UST: variants seen among roughly 807,000 people sequenced by gnomAD.
UST encodes the protein uronyl 2-sulfotransferase.
UST carries 21 observed loss-of-function variants against 45.6 expected under a neutral mutation model. The observed-to-expected ratio is 0.46, with a 90% CI of 0.33 to 0.66. The LOEUF (loss-of-function observed/expected upper bound fraction) is 0.66, where lower values mean the gene tolerates loss of function less well. UST is among the 30% of genes least tolerant of loss of function. The pLI is 0.02. For synonymous variants in UST, 215 were observed against 200.6 expected, an observed-to-expected ratio of 1.07 and a Z score of -0.61; for missense variants, 463 against 512.4, an observed-to-expected ratio of 0.90 and a Z score of 0.93.
chr6:148,872,768 C>T (rs77687196), intron 1 of UST, among the ~76,000 whole-genome samples: 3,929 of 152,238 alleles, frequency 0.026, 179 homozygotes, highest in African/African-American at 0.088. Context: ...GCTGTCTGCA[C>T]TCCCTGACTC....
At chr6:148,854,853 G>A (rs1327831018) in intron 1 of UST, among the ~76,000 whole-genome samples, 1 of 152,146 alleles carries the variant, frequency 6.6e-6, no homozygotes, top group Admixed American at 6.5e-5. Context: ...TAATTATTCC[G>A]ATGTTAATTA....
At chr6:148,775,433 G>A (rs1338793657) in intron 1 of UST, among the ~76,000 whole-genome samples, 1 of 152,078 alleles carries the variant, frequency 6.6e-6, no homozygotes, top group Admixed American at 6.5e-5. Flanking sequence ...GAGCATGTGC[G>A]TTTATTGTTA....
intron 7 of UST, chr6:149,032,603 G>A: frequency 6.5e-6 from 1 of 153,508 alleles, no homozygotes; most frequent in East Asian, 1.9e-4. Context: ...GCTCTTCCTG[G>A]CCTTCTTCAC....
chr6:148,903,999 A>C (rs1398347062), intron 2 of UST, among the ~76,000 whole-genome samples: 1 of 152,216 alleles, frequency 6.6e-6, no homozygotes, highest in Non-Finnish European at 1.5e-5. Context: ...AGAAACTAAT[A>C]ACCAAAATGA....
intron 1 of UST, among the ~76,000 whole-genome samples, chr6:148,851,481 T>C (rs9390615): frequency 0.077 from 11,793 of 152,198 alleles, 649 homozygotes; most frequent in East Asian, 0.31. Flanking sequence ...AAGGGACCAT[T>C]AGCATTTTAA....
rs1052896028 is a variant in UST, at chr6:149,024,314, G to A, written c.937+2833G>A. Among the ~76,000 whole-genome samples the A allele has an allele frequency of 5.3e-5, 8 of 152,344 alleles. No homozygotes were observed. The East Asian group carries it at 1.2e-3, about 22-fold the overall frequency. On this transcript the variant is annotated intron_variant, in intron 7 of 7. Transcript: ENST00000367463. ...GTTCTGAGTTCAGTTCTTGAGTGGA[G>A]CTGGTTGTCAAATACTTTAAATATC...
intron 1 of UST, among the ~76,000 whole-genome samples, chr6:148,763,777 G>A (rs773847044): frequency 2.0e-5 from 3 of 152,046 alleles, no homozygotes; most frequent in Non-Finnish European, 4.4e-5. Context: ...GTATATTTTT[G>A]CCAACTTTGT....
chr6:148,936,405 TA>T (rs1289148939), intron 2 of UST, among the ~76,000 whole-genome samples: 4 of 152,088 alleles, frequency 2.6e-5, no homozygotes, highest in African/African-American at 9.7e-5. Flanking sequence ...ACTTGGATGC[TA>T]CTAATGATAC....
intron 7 of UST, among the ~76,000 whole-genome samples, chr6:149,047,337 G>A (rs1353861118): frequency 6.6e-6 from 1 of 152,178 alleles, no homozygotes; most frequent in Non-Finnish European, 1.5e-5. Context: ...ATTAAGGAAT[G>A]TGTACAGAAT....
At chr6:148,801,226 G>C (rs1777053226) in intron 1 of UST, among the ~76,000 whole-genome samples, 1 of 152,084 alleles carries the variant, frequency 6.6e-6, no homozygotes, top group Non-Finnish European at 1.5e-5. Context: ...GTATTTTATA[G>C]CTTTGATTTA....
chr6:148,891,693 T>C (rs1230833967), intron 2 of UST, among the ~76,000 whole-genome samples: 8 of 152,232 alleles, frequency 5.3e-5, no homozygotes. Flanking sequence ...TTTTCTACCT[T>C]ATTTCTAAAT....
At chr6:149,071,274 A>C (rs1776815683) in intron 7 of UST, among the ~76,000 whole-genome samples, 1 of 152,198 alleles carries the variant, frequency 6.6e-6, no homozygotes, top group Non-Finnish European at 1.5e-5. Flanking sequence ...AGGCTTCAGA[A>C]GGTACCTCAA....
At chr6:148,979,485 T>G (rs939110038) in intron 5 of UST, among the ~76,000 whole-genome samples, 1 of 152,200 alleles carries the variant, frequency 6.6e-6, no homozygotes, top group East Asian at 1.9e-4. Context: ...CCCTGACTTC[T>G]GTTGAAGAAG....
intron 1 of UST, among the ~76,000 whole-genome samples, chr6:148,839,155 T>C (rs1777845590): frequency 6.6e-6 from 1 of 152,174 alleles, no homozygotes; most frequent in African/African-American, 2.4e-5. Flanking sequence ...CCTCTTGCAC[T>C]CGGCCGCAGC....
In UST at chr6:149,010,895, C is replaced by CA. The variant is rs1172538648; in HGVS notation, c.682-8220dup. ...AGACAGAGCAAGACTCCGTCTCAAC[C>CA]AAAAAAAAAAAAAAAAAAAAAAAAC... On this transcript the variant is annotated intron_variant, in intron 5 of 7. Transcript: ENST00000367463. Among the ~76,000 whole-genome samples, 552 of 65,516 alleles carry CA rather than the reference C, an allele frequency of 8.4e-3. 6 individuals are homozygous for CA. The highest frequency in any genetic ancestry group is 0.026 in the African/African-American group (388 of 15,094). 43.0% of individuals were successfully genotyped at this position (65,516 alleles called of 152,430 possible).
At chr6:148,973,732 A>G (rs922714236) in intron 5 of UST, among the ~76,000 whole-genome samples, 11 of 152,348 alleles carry the variant, frequency 7.2e-5, no homozygotes, top group African/African-American at 2.6e-4. Flanking sequence ...GCTGTTTTAC[A>G]TACACAGTAT....
chr6:149,010,913 A>AAAAAAACAAAAAAACAC (rs1554234080), intron 5 of UST, among the ~76,000 whole-genome samples: 1 of 92,968 alleles, frequency 1.1e-5, no homozygotes, highest in African/African-American at 4.4e-5. Context: ...AAAAAAAAAA[A>AAAAAAACAAAAAAACAC]AAAAAACTGT....
At chr6:148,760,903 A>G (rs987749310) in intron 1 of UST, among the ~76,000 whole-genome samples, 1 of 152,176 alleles carries the variant, frequency 6.6e-6, no homozygotes, top group Non-Finnish European at 1.5e-5. Flanking sequence ...ACAAAGAGAA[A>G]TGAAATGGTT....
intron 7 of UST, among the ~76,000 whole-genome samples, chr6:149,023,589 T>TC (rs1405268961): frequency 1.3e-5 from 2 of 152,188 alleles, no homozygotes; most frequent in African/African-American, 4.8e-5. Context: ...CACTCTCTTG[T>TC]CCCAGCATTT....
Sources: allele counts gnomAD v4.1 joint callset (sites outside exome capture counted in the v4.1 genomes callset), GRCh38; gene constraint gnomAD v4.1.1; transcripts MANE v1.5; gene names NCBI Gene and HGNC (gene_info 2026-07-23, HGNC 2026-07-21).